PLCH1: variants seen among roughly 807,000 people sequenced by gnomAD.
The protein encoded by PLCH1 is phospholipase C eta 1.
A neutral mutation model predicts 126.7 loss-of-function variants in PLCH1; 60 were observed. That is an observed-to-expected ratio of 0.47 (90% CI 0.38 to 0.59). The LOEUF (loss-of-function observed/expected upper bound fraction) is 0.59. Among genes scored for constraint, PLCH1 ranks in the 20% least tolerant of loss-of-function variants. The pLI is 0.00. For synonymous variants in PLCH1, 719 were observed against 734.9 expected, an observed-to-expected ratio of 0.98 and a Z score of 0.35; for missense variants, 1,723 against 2,040.0, an observed-to-expected ratio of 0.84 and a Z score of 2.99.
At chr3:155,457,909 C>T (rs1028136260) in intron 21 of PLCH1, among the ~76,000 whole-genome samples, 2 of 152,186 alleles carry the variant, frequency 1.3e-5, no homozygotes, top group Non-Finnish European at 2.9e-5. Flanking sequence ...TCACCCATGG[C>T]TATTACATCC....
At chr3:155,608,894 T>C (rs1325542512) in intron 2 of PLCH1, among the ~76,000 whole-genome samples, 2 of 152,170 alleles carry the variant, frequency 1.3e-5, no homozygotes, top group Admixed American at 1.3e-4. Context: ...CTACAGCAGC[T>C]CGTGCTCTCT....
chr3:155,585,293 G>GC (rs1241824516), intron 5 of PLCH1, among the ~76,000 whole-genome samples: 1 of 152,030 alleles, frequency 6.6e-6, no homozygotes, highest in Non-Finnish European at 1.5e-5. Flanking sequence ...ACATCATATT[G>GC]CCCTCCTATG....
chr3:155,605,992 G>T (rs1734302162), intron 2 of PLCH1, among the ~76,000 whole-genome samples: 2 of 151,998 alleles, frequency 1.3e-5, no homozygotes, highest in South Asian at 4.1e-4. Flanking sequence ...AGGCTTAAAA[G>T]CCAAGGGTGT....
At chr3:155,578,540 T>C (rs949526063) in intron 6 of PLCH1, among the ~76,000 whole-genome samples, 1 of 152,196 alleles carries the variant, frequency 6.6e-6, no homozygotes, top group Non-Finnish European at 1.5e-5. Flanking sequence ...CTCATTAGCA[T>C]GAACTCAGAT....
chr3:155,706,431 C>A (rs1022880395), intron 1 of PLCH1, among the ~76,000 whole-genome samples: 2 of 151,774 alleles, frequency 1.3e-5, no homozygotes, highest in African/African-American at 4.8e-5. Flanking sequence ...ACCAGCCTGA[C>A]CAACATGGTG....
intron 15 of PLCH1, among the ~76,000 whole-genome samples, chr3:155,496,591 C>G (rs575178313): frequency 1.3e-5 from 2 of 152,220 alleles, no homozygotes; most frequent in African/African-American, 2.4e-5. Context: ...TTCACTAAAA[C>G]TTGTTGAGAA....
chr3:155,694,999 G>A (rs1745692868), intron 2 of PLCH1, among the ~76,000 whole-genome samples: 1 of 142,870 alleles, frequency 7.0e-6, no homozygotes, highest in African/African-American at 2.6e-5. Context: ...GCTCTCTGCA[G>A]TAAGAATTAC....
At chr3:155,530,056 A>G (rs1245200324) in intron 10 of PLCH1, among the ~76,000 whole-genome samples, 2 of 151,638 alleles carry the variant, frequency 1.3e-5, no homozygotes, top group African/African-American at 2.4e-5. Flanking sequence ...CTGGCCAGCA[A>G]TTTCTTAAAT....
Position 155,482,685 on chromosome 3 carries a change from A to G in PLCH1, c.3341T>C (p.Ile1114Thr), listed in dbSNP as rs143719115. 6.2e-7 allele frequency: 1 copy of G among 1,614,030 alleles called. No homozygotes were observed. Among genetic ancestry groups the G allele is most frequent in the African/African-American group, 1.3e-5 (1 of 74,900 alleles). Reference sequence around the variant, plus strand: ...ATGAGAAAGGACGCTTCCTGACAAGATGCTTTTCCCTTCCACAAAGTCCTC... The same window carrying G: ...ATGAGAAAGGACGCTTCCTGACAAGGTGCTTTTCCCTTCCACAAAGTCCTC... ...NPEDFVEGKS[I>T]LSGSVLSHSN... The change falls in exon 23 of 23, where the codon ATC becomes ACC. Residue 1114 changes from isoleucine (I) to threonine (T), a missense_variant. Around this residue, in one of 2 missense-constraint regions of PLCH1, gnomAD observed 947 missense variants for 977.1 expected, o/e 0.97. Coordinates refer to ENST00000460012, the MANE Select transcript of PLCH1 (RefSeq NM_014996.4).
At chr3:155,617,602 G>T (rs372080440) in intron 2 of PLCH1, among the ~76,000 whole-genome samples, 3 of 152,126 alleles carry the variant, frequency 2.0e-5, no homozygotes, top group African/African-American at 7.2e-5. Flanking sequence ...GAAACTATTT[G>T]TGAGTATTCT....
rs1738380241 is a variant in PLCH1, at chr3:155,633,805, A to G, written c.80-37427T>C. ...TATGGTGGTGCATGCCTGTAATCCC[A>G]GCTACTCAGGAGGCTGAGGCACGAG... On this transcript the variant is annotated intron_variant, in intron 2 of 22. Coordinates refer to ENST00000460012, the MANE Select transcript of PLCH1 (RefSeq NM_014996.4). Among the ~76,000 whole-genome samples, 5 of 152,176 alleles carry G rather than the reference A, an allele frequency of 3.3e-5. No homozygotes were observed. In the South Asian group the frequency reaches 8.3e-4, roughly 25 times the overall value.
At chr3:155,612,376 A>G (rs1248073315) in intron 2 of PLCH1, among the ~76,000 whole-genome samples, 1 of 151,634 alleles carries the variant, frequency 6.6e-6, no homozygotes, top group Non-Finnish European at 1.5e-5. Flanking sequence ...TTAAATGCCT[A>G]TATCAAAAAG....
At chr3:155,623,990 G>A (rs1390207621) in intron 2 of PLCH1, among the ~76,000 whole-genome samples, 11 of 152,078 alleles carry the variant, frequency 7.2e-5, no homozygotes, top group Middle Eastern at 3.4e-3. Flanking sequence ...ACATTGATGC[G>A]AACACCTTCA....
chr3:155,716,980 C>T (rs1040558124), intron 1 of PLCH1, among the ~76,000 whole-genome samples: 1 of 152,214 alleles, frequency 6.6e-6, no homozygotes, highest in African/African-American at 2.4e-5. Context: ...TTCCAAGTTA[C>T]AGGGGTGGTA....
intron 9 of PLCH1, among the ~76,000 whole-genome samples, chr3:155,552,194 T>C (rs977680898): frequency 4.6e-5 from 7 of 152,256 alleles, no homozygotes; most frequent in African/African-American, 1.7e-4. Context: ...TTTTACACAA[T>C]TGTAATTTTA....
chr3:155,637,584 A>G (rs1195842381), intron 2 of PLCH1, among the ~76,000 whole-genome samples: 1 of 152,206 alleles, frequency 6.6e-6, no homozygotes, highest in Non-Finnish European at 1.5e-5. Flanking sequence ...CCCTTTTGCT[A>G]TGGAAAATGC....
chr3:155,460,666 A>C (rs1457080764), intron 21 of PLCH1, among the ~76,000 whole-genome samples: 1 of 152,168 alleles, frequency 6.6e-6, no homozygotes, highest in Non-Finnish European at 1.5e-5. Flanking sequence ...CAAAGACTTA[A>C]AGGATTCATG....
intron 2 of PLCH1, among the ~76,000 whole-genome samples, chr3:155,662,426 C>G (rs1742275135): frequency 6.6e-6 from 1 of 151,854 alleles, no homozygotes; most frequent in African/African-American, 2.4e-5. Context: ...TATAATCGCA[C>G]CACTGCACTC....
intron 1 of PLCH1, chr3:155,743,625 CA>C (rs1306412204): frequency 2.4e-6 from 1 of 409,728 alleles, no homozygotes; most frequent in Non-Finnish European, 4.7e-6. Context: ...ACTTTAACCC[CA>C]AAGGTGACCA....
Sources: gnomAD v4.1 joint callset for allele counts (sites outside exome capture counted in the v4.1 genomes callset) on GRCh38, gnomAD v4.1.1 for gene constraint, gnomAD v4.1.1 regional missense constraint, MANE v1.5 for transcripts, NCBI Gene and HGNC (gene_info 2026-07-23, HGNC 2026-07-21) for gene names.